NAALADL2: variants seen among roughly 807,000 people sequenced by gnomAD.
NAALADL2 encodes inactive N-acetylated-alpha-linked acidic dipeptidase-like protein 2.
Under a neutral mutation model 87.2 loss-of-function variants are expected in NAALADL2, and 76 were observed. That is an observed-to-expected ratio of 0.87 (90% CI 0.72 to 1.05). The LOEUF is 1.05. NAALADL2 is among the 50% of genes least tolerant of loss of function. The pLI is 0.00. For synonymous variants in NAALADL2, 354 were observed against 331.0 expected, an observed-to-expected ratio of 1.07 and a Z score of -0.75; for missense variants, 1,089 against 945.8, an observed-to-expected ratio of 1.15 and a Z score of -1.99.
At chr3:175,729,778 T>TTG (rs1553960949) in intron 11 of NAALADL2, among the ~76,000 whole-genome samples, 3,019 of 150,876 alleles carry the variant, frequency 0.02, 100 homozygotes, top group African/African-American at 0.069. Flanking sequence ...GTTTTTTTTT[T>TTG]TTTTTTCACA....
chr3:174,755,807 T>C (rs920716413), intron 3 of NAALADL2, among the ~76,000 whole-genome samples: 7 of 152,220 alleles, frequency 4.6e-5, no homozygotes, highest in Admixed American at 2.6e-4. Context: ...GAACTTCTAT[T>C]CAAAATATCT....
Position 175,560,343 on chromosome 3 carries a change from T to A in NAALADL2, c.1654-15698T>A, listed in dbSNP as rs1468812497. On this transcript the variant is annotated intron_variant, in intron 9 of 13. Coordinates refer to ENST00000454872, the MANE Select transcript of NAALADL2 (RefSeq NM_207015.3). ...CTCATTTTTTCTTACTTAATCTGGCTAAAGGTTCGACAATTTTTGTTTATC... is the reference window on the plus strand; with the variant it reads ...CTCATTTTTTCTTACTTAATCTGGCAAAAGGTTCGACAATTTTTGTTTATC... Among the ~76,000 whole-genome samples the A allele has an allele frequency of 4.6e-5, 7 of 152,092 alleles. No homozygotes were observed. The East Asian group carries it at 1.2e-3, about 25-fold the overall frequency.
intron 3 of NAALADL2, among the ~76,000 whole-genome samples, chr3:174,743,779 T>A (rs1396378030): frequency 6.6e-6 from 1 of 151,846 alleles, no homozygotes. Context: ...ATAATAACCA[T>A]CTTACAGGCA....
chr3:174,912,959 G>A (rs12493362), intron 1 of NAALADL2, among the ~76,000 whole-genome samples: 56,466 of 151,904 alleles, frequency 0.37, 11,395 homozygotes, highest in African/African-American at 0.53. Context: ...AGACATTGAT[G>A]ATATCTATAT....
chr3:174,940,054 T>A (rs1311997565), intron 1 of NAALADL2, among the ~76,000 whole-genome samples: 2 of 152,090 alleles, frequency 1.3e-5, no homozygotes, highest in Non-Finnish European at 2.9e-5. Flanking sequence ...TGAATAGAAG[T>A]GGTGAGAGAG....
At chr3:174,818,722 C>T (rs373826070) in intron 3 of NAALADL2, among the ~76,000 whole-genome samples, 141 of 152,110 alleles carry the variant, frequency 9.3e-4, no homozygotes, top group African/African-American at 3.2e-3. Flanking sequence ...ACAGAAATTC[C>T]CATTGATAGT....
chr3:175,782,880 G>A (rs1401897126), intron 13 of NAALADL2, among the ~76,000 whole-genome samples: 3 of 146,710 alleles, frequency 2.0e-5, no homozygotes, highest in East Asian at 2.0e-4. Flanking sequence ...ATTGATTTTT[G>A]TATAAGGTGT....
chr3:174,874,768 A>C (rs555087788), intron 1 of NAALADL2, among the ~76,000 whole-genome samples: 44 of 152,166 alleles, frequency 2.9e-4, no homozygotes, highest in African/African-American at 1.1e-3. Context: ...TGTCTTGAAC[A>C]GTGTGATTAT....
chr3:174,807,148 C>T (rs1442034561), intron 3 of NAALADL2, among the ~76,000 whole-genome samples: 2 of 152,106 alleles, frequency 1.3e-5, no homozygotes, highest in Non-Finnish European at 2.9e-5. Flanking sequence ...CATCCTAGCA[C>T]TTTATGATGT....
chr3:175,194,300 T>C (rs564493093), intron 2 of NAALADL2, among the ~76,000 whole-genome samples: 12 of 151,904 alleles, frequency 7.9e-5, no homozygotes, highest in Non-Finnish European at 1.6e-4. Flanking sequence ...ATTTTCTTTT[T>C]CCTGCAAGTA....
chr3:174,696,349 A>G (rs1037506237), intron 2 of NAALADL2, among the ~76,000 whole-genome samples: 2 of 152,040 alleles, frequency 1.3e-5, no homozygotes, highest in Admixed American at 1.3e-4. Context: ...AAGAGTAGAC[A>G]TATGATAGCA....
chr3:174,587,786 T>C (rs1330013916), intron 2 of NAALADL2, among the ~76,000 whole-genome samples: 1 of 152,180 alleles, frequency 6.6e-6, no homozygotes, highest in Admixed American at 6.5e-5. Flanking sequence ...TAACCTGTCC[T>C]TTTTTTCTGG....
intron 1 of NAALADL2, among the ~76,000 whole-genome samples, chr3:174,871,213 T>A (rs1020735000): frequency 6.6e-6 from 1 of 152,234 alleles, no homozygotes; most frequent in Non-Finnish European, 1.5e-5. Flanking sequence ...ATATTTCCTC[T>A]TCAGTGTTTC....
intron 5 of NAALADL2, among the ~76,000 whole-genome samples, chr3:175,325,962 C>T (rs1337141436): frequency 6.6e-6 from 1 of 152,132 alleles, no homozygotes; most frequent in Non-Finnish European, 1.5e-5. Flanking sequence ...TCATTTTTTA[C>T]ATTACAAGGT....
Position 175,803,010 on chromosome 3 carries a change from T to G in NAALADL2, c.2195T>G (p.Ile732Ser). 1.9e-6 allele frequency: 3 copies of G among 1,608,582 alleles called. No individual in the cohort carries two copies. The highest frequency in any genetic ancestry group is 2.6e-6 in the Non-Finnish European group (3 of 1,175,982). ...KQAPPGFYRN[I>S]LYHLDEKTSR... Reference sequence around the variant, plus strand: ...CATTTTGTATTTCTTTTCAGAAACATCCTCTACCACCTTGATGAAAAGACA... The same window carrying G: ...CATTTTGTATTTCTTTTCAGAAACAGCCTCTACCACCTTGATGAAAAGACA... The change falls in exon 14 of 14, where the codon ATC (isoleucine) becomes AGC (serine). Residue 732 changes from isoleucine to serine, a missense_variant. Transcript: ENST00000454872.
At chr3:175,367,041 G>A (rs1284627621) in intron 5 of NAALADL2, among the ~76,000 whole-genome samples, 1 of 151,232 alleles carries the variant, frequency 6.6e-6, no homozygotes, top group East Asian at 1.9e-4. Context: ...TTTGTATAAG[G>A]TGTAAGGAAG....
chr3:174,581,039 T>A (rs1298402352), intron 2 of NAALADL2, among the ~76,000 whole-genome samples: 1 of 152,170 alleles, frequency 6.6e-6, no homozygotes, highest in East Asian at 1.9e-4. Flanking sequence ...ATTATAGTAA[T>A]GACAGTGTGC....
At chr3:174,630,457 A>T (rs546018582) in intron 2 of NAALADL2, among the ~76,000 whole-genome samples, 2 of 152,324 alleles carry the variant, frequency 1.3e-5, no homozygotes, top group South Asian at 4.1e-4. Context: ...GTTTATGCTT[A>T]CAAAATTTAT....
At chr3:175,369,098 A>T (rs942281619) in intron 5 of NAALADL2, among the ~76,000 whole-genome samples, 1 of 152,150 alleles carries the variant, frequency 6.6e-6, no homozygotes, top group African/African-American at 2.4e-5. Context: ...TAATTGCACT[A>T]ATGTCACAAT....
Sources: gnomAD v4.1 joint callset for allele counts (sites outside exome capture counted in the v4.1 genomes callset) on GRCh38, gnomAD v4.1.1 for gene constraint, MANE v1.5 for transcripts, NCBI Gene and HGNC (gene_info 2026-07-23, HGNC 2026-07-21) for gene names.